DERA: variants seen among roughly 807,000 people sequenced by gnomAD.
DERA encodes the protein 2-deoxy-D-ribose 5-phosphate aldolase.
A neutral mutation model predicts 41.1 loss-of-function variants in DERA; 15 were observed. The observed-to-expected ratio is 0.37, with a 90% CI of 0.24 to 0.56. The LOEUF (loss-of-function observed/expected upper bound fraction) is 0.56, where lower values mean the gene tolerates loss of function less well. Among genes scored for constraint, DERA ranks in the 20% least tolerant of loss-of-function variants. The pLI, the probability that DERA is intolerant of heterozygous loss-of-function variation, is 0.81. For synonymous variants in DERA, 139 were observed against 137.4 expected (o/e 1.01, Z -0.08); for missense variants, 396 against 403.4 (o/e 0.98, Z 0.16).
At chr12:15,948,801 T>C (rs1012351138) in intron 1 of DERA, among the ~76,000 whole-genome samples, 44 of 152,222 alleles carry the variant, frequency 2.9e-4, no homozygotes, top group African/African-American at 1.0e-3. Context: ...TCAGCTTTTC[T>C]GCTCTGTTTT....
At chr12:15,926,396 G>A (rs1160207244) in intron 1 of DERA, among the ~76,000 whole-genome samples, 3 of 152,080 alleles carry the variant, frequency 2.0e-5, no homozygotes, top group Non-Finnish European at 2.9e-5. Context: ...GTCTATCATA[G>A]CAATTTCCAC....
intron 6 of DERA, among the ~76,000 whole-genome samples, chr12:15,997,361 T>A (rs1287596052): frequency 4.6e-5 from 7 of 152,108 alleles, no homozygotes; most frequent in Non-Finnish European, 1.0e-4. Context: ...ATAAGCCAAA[T>A]GAATGAAAAA....
In DERA at chr12:16,009,172, C is replaced by G. The variant is rs1031082333; in HGVS notation, c.638-23370C>G. 6.6e-6 allele frequency among the ~76,000 whole-genome samples: 1 copy of G among 152,124 alleles called. No individual in the cohort carries two copies. The highest frequency in any genetic ancestry group is 2.4e-5 in the African/African-American group (1 of 41,428). On this transcript the variant is annotated intron_variant, in intron 6 of 8. Transcript: ENST00000428559. This position sits in a 1 kb window ranked among gnomAD's most constrained non-coding sequence, Gnocchi z 5.3. Reference sequence around the variant, plus strand: ...AGAAAGGGAGACTTATTCTGTTCCTCCTCCTTCTCTTACTGTTGTATGGTT... The same window carrying G: ...AGAAAGGGAGACTTATTCTGTTCCTGCTCCTTCTCTTACTGTTGTATGGTT...
chr12:15,926,338 T>C (rs1463414150), intron 1 of DERA, among the ~76,000 whole-genome samples: 1 of 152,168 alleles, frequency 6.6e-6, no homozygotes, highest in African/African-American at 2.4e-5. Flanking sequence ...ACTGAGTGTA[T>C]TTTGATATAA....
chr12:15,974,405 T>G (rs1948683982), intron 5 of DERA, among the ~76,000 whole-genome samples: 1 of 152,196 alleles, frequency 6.6e-6, no homozygotes, highest in Non-Finnish European at 1.5e-5. Context: ...CTTTGACGAT[T>G]ACGGGCCTGT....
chr12:15,974,460 TCA>T (rs1948684394), intron 5 of DERA, among the ~76,000 whole-genome samples: 1 of 152,222 alleles, frequency 6.6e-6, no homozygotes, highest in Non-Finnish European at 1.5e-5. Context: ...TGGTATTTTC[TCA>T]CAGTTAGATT....
At chr12:15,955,849 G>A (rs1471298968) in intron 1 of DERA, among the ~76,000 whole-genome samples, 4 of 152,280 alleles carry the variant, frequency 2.6e-5, no homozygotes, top group East Asian at 1.9e-4. Context: ...ATTATAAAGA[G>A]TTTTGTAATT....
In DERA at chr12:16,036,956, T is replaced by C; in HGVS notation, c.*210T>C. 1.9e-6 allele frequency: 1 copy of C among 516,172 alleles called. No homozygotes were observed. The allele number at this position is 516,172 out of a possible 1,614,324, so 32.0% of individuals were successfully genotyped here. On this transcript the variant is annotated 3_prime_UTR_variant, in exon 9 of 9. Coordinates refer to ENST00000428559, the MANE Select transcript of DERA (RefSeq NM_015954.4). The surrounding 1 kb of genome is among the most constrained non-coding windows in gnomAD (Gnocchi z 4.9). ...GCACATCTGAAATGATCTTAATTAC[T>C]AGAAGATCTGCACTATTAACTTTGT...
chr12:15,982,437 G>GTT lies in DERA; in HGVS notation c.637+2_637+3insTT. On this transcript the variant is annotated splice_donor_variant, in intron 6 of 8. Transcript: ENST00000428559. LOFTEE classifies it high-confidence loss of function. The surrounding 1 kb of genome is among the most constrained non-coding windows in gnomAD (Gnocchi z 4.0). ...GCCAGTATGATAGCAATGATGGCAGGTAAGTGTTTTATGTTCAAATAATGT... is the reference window on the plus strand; with the variant it reads ...GCCAGTATGATAGCAATGATGGCAGGTTTAAGTGTTTTATGTTCAAATAATGT... 1 of 1,600,744 alleles carries GTT rather than the reference G, an allele frequency of 6.2e-7. No individual in the cohort carries two copies. Among genetic ancestry groups the GTT allele is most frequent in the Non-Finnish European group, 8.5e-7 (1 of 1,176,272 alleles).
In DERA at chr12:15,954,836, A is replaced by G. The variant is rs1221721936; in HGVS notation, c.32-2100A>G. ...GTGACCGATAAAGGACAGCCTGTCA[A>G]AGCCTTGCCCCACTGAGTAATAGGC... On this transcript the variant is annotated intron_variant, in intron 1 of 8. Transcript: ENST00000428559. The surrounding 1 kb of genome is among the most constrained non-coding windows in gnomAD (Gnocchi z 4.0). Among the ~76,000 whole-genome samples, 1 of 152,194 alleles carries G rather than the reference A, an allele frequency of 6.6e-6. No homozygotes were observed. Among genetic ancestry groups the G allele is most frequent in the Non-Finnish European group, 1.5e-5 (1 of 68,034 alleles).
At position 16,013,786 on chromosome 12, in the gene DERA, A is replaced by C. The variant is rs1046586837; in HGVS notation, c.638-18756A>C. Among the ~76,000 whole-genome samples the C allele has an allele frequency of 6.6e-6, 1 of 152,184 alleles. No individual in the cohort carries two copies. The highest frequency in any genetic ancestry group is 1.5e-5 in the Non-Finnish European group (1 of 68,032). ...TGTGGGAAAATTTGGAACTTCCTAG[A>C]GACTTGTTGAATGGTTTTGACCAGA... On this transcript the variant is annotated intron_variant, in intron 6 of 8. Transcript: ENST00000428559. The surrounding 1 kb of genome is among the most constrained non-coding windows in gnomAD (Gnocchi z 5.8).
At chr12:15,946,699 G>A (rs566309881) in intron 1 of DERA, among the ~76,000 whole-genome samples, 15 of 151,820 alleles carry the variant, frequency 9.9e-5, no homozygotes, top group South Asian at 4.2e-4. Flanking sequence ...TTGATTTTTC[G>A]AAGGGTTTTT....
At chr12:15,945,115 C>G (rs1348218633) in intron 1 of DERA, among the ~76,000 whole-genome samples, 2 of 152,104 alleles carry the variant, frequency 1.3e-5, no homozygotes, top group African/African-American at 2.4e-5. Context: ...CAGTACCATG[C>G]TGTTTTGGTT....
rs58426855 is a variant in DERA, at chr12:16,020,357, G to C, written c.638-12185G>C. Reference sequence around the variant, plus strand: ...TAACTCACTATTGCGAGAACAGCACGAAAGGGGAAATCTACCCCCATGATC... The same window carrying C: ...TAACTCACTATTGCGAGAACAGCACCAAAGGGGAAATCTACCCCCATGATC... On this transcript the variant is annotated intron_variant, in intron 6 of 8. Coordinates refer to ENST00000428559, the MANE Select transcript of DERA (RefSeq NM_015954.4). The surrounding 1 kb of genome is among the most constrained non-coding windows in gnomAD (Gnocchi z 5.5). Among the ~76,000 whole-genome samples, 17,525 of 152,104 alleles carry C rather than the reference G, an allele frequency of 0.12. 3,105 individuals are homozygous for C. Among genetic ancestry groups the C allele is most frequent in the African/African-American group, 0.38 (15,616 of 41,424 alleles).
rs1163588141 is a variant in DERA, at chr12:16,021,563, G to C, written c.638-10979G>C. On this transcript the variant is annotated intron_variant, in intron 6 of 8. Transcript: ENST00000428559. This position sits in a 1 kb window ranked among gnomAD's most constrained non-coding sequence, Gnocchi z 5.3. ...TGTCTTAGTGGAATTGTGGGAATGG[G>C]GCTGCCACTCTCCAGACCCCAGAAT... Among the ~76,000 whole-genome samples the C allele has an allele frequency of 1.3e-5, 2 of 152,182 alleles. No homozygotes were observed. The highest frequency in any genetic ancestry group is 2.9e-5 in the Non-Finnish European group (2 of 68,034).
intron 6 of DERA, among the ~76,000 whole-genome samples, chr12:16,029,987 A>G (rs1203366300): frequency 7.7e-6 from 1 of 129,500 alleles, no homozygotes; most frequent in Non-Finnish European, 1.6e-5. Context: ...CAGTGGCACA[A>G]TCTCGGCTCA....
Position 15,918,944 on chromosome 12 carries a change from A to T in DERA, c.31+7530A>T, listed in dbSNP as rs923940338. On this transcript the variant is annotated intron_variant, in intron 1 of 8. Transcript: ENST00000428559. This position sits in a 1 kb window ranked among gnomAD's most constrained non-coding sequence, Gnocchi z 4.3. ...AGGTATCTAGTGTAATCTTCTCATT[A>T]TACTATAATGGCTAAGAGTAATGTT... Among the ~76,000 whole-genome samples, 9 of 152,186 alleles carry T rather than the reference A, an allele frequency of 5.9e-5. No homozygotes were observed. The highest frequency in any genetic ancestry group is 1.0e-4 in the Non-Finnish European group (7 of 68,044).
chr12:16,022,527 C>A (rs1592054822), intron 6 of DERA, among the ~76,000 whole-genome samples: 1 of 152,172 alleles, frequency 6.6e-6, no homozygotes, highest in Non-Finnish European at 1.5e-5. Context: ...AATCTCTAGA[C>A]AATAAAGGCT....
chr12:16,001,365 C>T lies in DERA; in HGVS notation c.637+18929C>T, dbSNP rs890682397. On this transcript the variant is annotated intron_variant, in intron 6 of 8. Coordinates refer to ENST00000428559, the MANE Select transcript of DERA (RefSeq NM_015954.4). This position sits in a 1 kb window ranked among gnomAD's most constrained non-coding sequence, Gnocchi z 4.1. ...AATATACTTTTCAGCTAAACCCACCCCTTTCCACTGGCTGTTTTCTTTGGT... is the reference window on the plus strand; with the variant it reads ...AATATACTTTTCAGCTAAACCCACCTCTTTCCACTGGCTGTTTTCTTTGGT... Among the ~76,000 whole-genome samples, 26 of 152,300 alleles carry T rather than the reference C, an allele frequency of 1.7e-4. No homozygotes were observed. Among genetic ancestry groups the T allele is most frequent in the African/African-American group, 6.0e-4 (25 of 41,560 alleles).
Sources: gnomAD v4.1 joint callset for allele counts (sites outside exome capture counted in the v4.1 genomes callset) on GRCh38, gnomAD v4.1.1 for gene constraint, Gnocchi (gnomAD v3.1) non-coding constraint, MANE v1.5 for transcripts, NCBI Gene and HGNC (gene_info 2026-07-23, HGNC 2026-07-21) for gene names.